Variants in KCNQ3 observed in about 807,000 individuals in gnomAD.
KCNQ3 encodes the protein potassium voltage-gated channel subfamily Q member 3.
In KCNQ3, 30 loss-of-function variants were observed where a neutral mutation model predicts 92.5. The observed-to-expected ratio is 0.32, with a 90% confidence interval of 0.24 to 0.44. The LOEUF is 0.44. KCNQ3 is among the 20% of genes least tolerant of loss of function. The pLI is 1.00. For synonymous variants in KCNQ3, 450 were observed against 468.8 expected (o/e 0.96, Z 0.52); for missense variants, 913 against 1,140.3 (o/e 0.80, Z 2.87).
chr8:132,298,625 C>T (rs948716348), intron 1 of KCNQ3, among the ~76,000 whole-genome samples: 2 of 152,124 alleles, frequency 1.3e-5, no homozygotes, highest in Non-Finnish European at 2.9e-5. Context: ...CACATGTACT[C>T]GGCCGGGCAC....
At chr8:132,209,544 AACACAC>A (rs35210912) in intron 1 of KCNQ3, among the ~76,000 whole-genome samples, 2 of 135,378 alleles carry the variant, frequency 1.5e-5, no homozygotes, top group Admixed American at 1.5e-4. Context: ...CACACACACA[AACACAC>A]ACACACACAC....
intron 1 of KCNQ3, among the ~76,000 whole-genome samples, chr8:132,212,382 CAT>C (rs1311689915): frequency 6.6e-6 from 1 of 152,080 alleles, no homozygotes; most frequent in African/African-American, 2.4e-5. Flanking sequence ...CCTCTGGAAA[CAT>C]ATGGAATACC....
chr8:132,292,352 A>G (rs1243235710), intron 1 of KCNQ3, among the ~76,000 whole-genome samples: 1 of 152,218 alleles, frequency 6.6e-6, no homozygotes, highest in Non-Finnish European at 1.5e-5. Context: ...TCTTAGGAGT[A>G]TGAGGTAAAC....
chr8:132,221,060 T>C (rs1814212004), intron 1 of KCNQ3, among the ~76,000 whole-genome samples: 1 of 152,132 alleles, frequency 6.6e-6, no homozygotes, highest in Admixed American at 6.6e-5. Context: ...AGTGAGAACA[T>C]GCAGTGTTTG....
intron 1 of KCNQ3, among the ~76,000 whole-genome samples, chr8:132,245,683 A>G (rs1226671912): frequency 1.3e-5 from 2 of 152,190 alleles, no homozygotes; most frequent in African/African-American, 4.8e-5. Context: ...CACTCAACGT[A>G]TCATTTTCCC....
chr8:132,132,659 G>GA (rs1443942263), intron 13 of KCNQ3, among the ~76,000 whole-genome samples: 2 of 124,122 alleles, frequency 1.6e-5, no homozygotes, highest in Non-Finnish European at 4.0e-5. Context: ...TGCAGGTGGA[G>GA]AAGGGGTCAT....
intron 1 of KCNQ3, among the ~76,000 whole-genome samples, chr8:132,440,322 G>C (rs1821502747): frequency 6.6e-6 from 1 of 152,172 alleles, no homozygotes; most frequent in Non-Finnish European, 1.5e-5. Flanking sequence ...CACTTGCACA[G>C]TCTTTCCACC....
intron 1 of KCNQ3, 111 bp downstream of exon 1, chr8:132,480,036 C>T (rs1310813396): frequency 1.9e-6 from 2 of 1,066,564 alleles, no homozygotes; most frequent in Non-Finnish European, 2.7e-6. Context: ...TCCCCTTCAG[C>T]GGGAAAGCAT....
intron 1 of KCNQ3, among the ~76,000 whole-genome samples, chr8:132,369,988 C>A (rs969375465): frequency 1.3e-5 from 2 of 152,174 alleles, no homozygotes; most frequent in Non-Finnish European, 2.9e-5. Context: ...GCCCTTTCAC[C>A]TGTTCTCTCT....
chr8:132,187,862 T>TGGTGGTGGTGGTGATAGTGATGGTGGC (rs1827041309), intron 1 of KCNQ3, among the ~76,000 whole-genome samples: 1 of 104,826 alleles, frequency 9.5e-6, no homozygotes, highest in Non-Finnish European at 1.9e-5. Context: ...GTGATGGTGG[T>TGGTGGTGGTGGTGATAGTGATGGTGGC]GGTGGTGGTG....
intron 1 of KCNQ3, among the ~76,000 whole-genome samples, chr8:132,340,730 AC>A (rs1818506492): frequency 6.6e-6 from 1 of 152,222 alleles, no homozygotes; most frequent in Admixed American, 6.5e-5. Context: ...ACGCATGTAT[AC>A]CTATGTAACA....
At chr8:132,335,631 C>G (rs901675153) in intron 1 of KCNQ3, among the ~76,000 whole-genome samples, 3 of 152,174 alleles carry the variant, frequency 2.0e-5, no homozygotes, top group Non-Finnish European at 4.4e-5. Context: ...GCTTTCATTC[C>G]TTACAACTGA....
At chr8:132,343,221 T>C (rs1400113387) in intron 1 of KCNQ3, among the ~76,000 whole-genome samples, 1 of 152,266 alleles carries the variant, frequency 6.6e-6, no homozygotes, top group Middle Eastern at 3.2e-3. Flanking sequence ...GCACTCACCA[T>C]GTCACTTATT....
chr8:132,270,371 A>G (rs1816114323), intron 1 of KCNQ3, among the ~76,000 whole-genome samples: 1 of 152,208 alleles, frequency 6.6e-6, no homozygotes, highest in East Asian at 1.9e-4. Context: ...TATTGCAGAA[A>G]TGGGTACTTT....
At chr8:132,455,095 A>C (rs1021628970) in intron 1 of KCNQ3, among the ~76,000 whole-genome samples, 6 of 152,204 alleles carry the variant, frequency 3.9e-5, no homozygotes, top group African/African-American at 1.2e-4. Context: ...GTGCCACTGA[A>C]CTATACACAT....
chr8:132,278,254 T>C, intron 1 of KCNQ3: 2 of 978,372 alleles, frequency 2.0e-6, no homozygotes, highest in Non-Finnish European at 2.4e-6. Context: ...TAAATCTCAA[T>C]ATCATTTCTA....
At chr8:132,358,636 C>T (rs1438767357) in intron 1 of KCNQ3, among the ~76,000 whole-genome samples, 2 of 152,168 alleles carry the variant, frequency 1.3e-5, no homozygotes, top group African/African-American at 4.8e-5. Flanking sequence ...AAGCTTGCCA[C>T]CATGACTGGG....
intron 1 of KCNQ3, among the ~76,000 whole-genome samples, chr8:132,337,580 A>C (rs1818399356): frequency 6.6e-6 from 1 of 152,210 alleles, no homozygotes; most frequent in Non-Finnish European, 1.5e-5. Context: ...TGAATGAAGA[A>C]GGGCTGGTAC....
rs142621198 is a variant in KCNQ3 at position 132,121,573 on chromosome 8, T to C, written c.*7689A>G. Reference sequence around the variant, plus strand: ...TCAGAGGGGTATAGAAGGGCCCAATTACCAGATCAGGTTGGCTTCCATGGG... The same window carrying C: ...TCAGAGGGGTATAGAAGGGCCCAATCACCAGATCAGGTTGGCTTCCATGGG... On this transcript the variant is annotated 3_prime_UTR_variant, in exon 15 of 15. Coordinates refer to ENST00000388996, the MANE Select transcript of KCNQ3 (RefSeq NM_004519.4). The C allele has an allele frequency of 3.6e-3, 545 of 152,284 alleles. 4 individuals carry two copies. The highest frequency in any genetic ancestry group is 0.01 in the African/African-American group (420 of 41,564). 9.4% of individuals were successfully genotyped at this position (152,284 alleles called of 1,614,324 possible).
Sources: gnomAD v4.1 joint callset for allele counts (sites outside exome capture counted in the v4.1 genomes callset) on GRCh38, gnomAD v4.1.1 for gene constraint, MANE v1.5 for transcripts, NCBI Gene and HGNC (gene_info 2026-07-23, HGNC 2026-07-21) for gene names.